MAGI2: variants seen among roughly 807,000 people sequenced by gnomAD.
The protein encoded by MAGI2 is membrane associated guanylate kinase, WW and PDZ domain containing 2.
A neutral mutation model predicts 133.3 loss-of-function variants in MAGI2; 35 were observed. The ratio of observed to expected loss-of-function variants is 0.26; its 90% CI spans 0.20 to 0.35. The LOEUF is 0.35. MAGI2 is among the 10% of genes least tolerant of loss of function. The pLI is 1.00. For synonymous variants in MAGI2, 729 were observed against 710.6 expected, an observed-to-expected ratio of 1.03 and a Z score of -0.41; for missense variants, 1,636 against 1,863.4, an observed-to-expected ratio of 0.88 and a Z score of 2.25.
At chr7:78,196,915 A>G (rs750300045) in intron 11 of MAGI2, among the ~76,000 whole-genome samples, 39 of 152,246 alleles carry the variant, frequency 2.6e-4, no homozygotes, top group Non-Finnish European at 4.7e-4. Flanking sequence ...AGAGAGGGTA[A>G]GTGGCTTGTC....
At chr7:78,237,031 A>C (rs2150893754) in intron 10 of MAGI2, among the ~76,000 whole-genome samples, 1 of 152,238 alleles carries the variant, frequency 6.6e-6, no homozygotes, top group East Asian at 1.9e-4. Context: ...GTTATCTCTC[A>C]CCAGGTCCCT....
intron 6 of MAGI2, among the ~76,000 whole-genome samples, chr7:78,450,752 T>C (rs1788640871): frequency 6.6e-6 from 1 of 152,064 alleles, no homozygotes; most frequent in African/African-American, 2.4e-5. Context: ...GACGAAATGA[T>C]TAGTGATGCA....
intron 2 of MAGI2, among the ~76,000 whole-genome samples, chr7:78,981,882 C>G (rs1053077816): frequency 2.0e-5 from 3 of 151,880 alleles, no homozygotes; most frequent in Non-Finnish European, 4.4e-5. Context: ...GAAATTTTTC[C>G]TGCCTAGAGC....
At chr7:78,239,367 T>G (rs1790888744) in intron 10 of MAGI2, among the ~76,000 whole-genome samples, 1 of 152,094 alleles carries the variant, frequency 6.6e-6, no homozygotes, top group Non-Finnish European at 1.5e-5. Context: ...TTTTTCAACA[T>G]GACCTCAAAA....
At chr7:78,660,705 T>C (rs1414206448) in intron 2 of MAGI2, among the ~76,000 whole-genome samples, 1 of 152,232 alleles carries the variant, frequency 6.6e-6, no homozygotes, top group African/African-American at 2.4e-5. Flanking sequence ...TTGAATATCT[T>C]TTTACTTAGA....
At chr7:78,698,833 CAGA>C (rs941253578) in intron 2 of MAGI2, among the ~76,000 whole-genome samples, 4 of 152,064 alleles carry the variant, frequency 2.6e-5, no homozygotes, top group Non-Finnish European at 5.9e-5. Flanking sequence ...AACTCACTAT[CAGA>C]AGAACAGCAT....
intron 1 of MAGI2, among the ~76,000 whole-genome samples, chr7:79,290,534 A>T (rs1246922206): frequency 6.6e-6 from 1 of 152,010 alleles, no homozygotes; most frequent in Non-Finnish European, 1.5e-5. Context: ...AAAAATAAAC[A>T]TTCCTCCATG....
At chr7:78,309,531 C>T (rs1003533408) in intron 9 of MAGI2, among the ~76,000 whole-genome samples, 1 of 152,048 alleles carries the variant, frequency 6.6e-6, no homozygotes, top group Non-Finnish European at 1.5e-5. Context: ...ATACTGGGGA[C>T]TACTGGAGGG....
chr7:79,026,882 G>GAA (rs34358830), intron 1 of MAGI2, among the ~76,000 whole-genome samples: 33 of 149,696 alleles, frequency 2.2e-4, no homozygotes, highest in East Asian at 9.9e-4. Flanking sequence ...AAAGAAAAAA[G>GAA]AAAAAAAAAT....
chr7:78,470,009 A>C (rs1240188309), intron 6 of MAGI2, among the ~76,000 whole-genome samples: 1 of 152,190 alleles, frequency 6.6e-6, no homozygotes, highest in Non-Finnish European at 1.5e-5. Flanking sequence ...AGACACATGC[A>C]GTCTTCCTCC....
At chr7:78,636,818 C>A (rs38124) in intron 2 of MAGI2, among the ~76,000 whole-genome samples, 136,570 of 152,118 alleles carry the variant, frequency 0.9, 61,388 homozygotes, top group East Asian at 1. Flanking sequence ...AAAACCAAAA[C>A]CAAACAAACA....
intron 2 of MAGI2, among the ~76,000 whole-genome samples, chr7:78,716,249 T>C (rs1819689867): frequency 6.6e-6 from 1 of 152,220 alleles, no homozygotes; most frequent in Non-Finnish European, 1.5e-5. Context: ...TAATTTTATT[T>C]AATTTTACCC....
chr7:78,867,746 G>A (rs529463939), intron 2 of MAGI2, among the ~76,000 whole-genome samples: 30 of 152,208 alleles, frequency 2.0e-4, no homozygotes, highest in African/African-American at 6.3e-4. Context: ...GGTGGTGATT[G>A]TCATGGTGGG....
intron 2 of MAGI2, among the ~76,000 whole-genome samples, chr7:78,825,532 T>G (rs1377603004): frequency 6.6e-6 from 1 of 152,214 alleles, no homozygotes; most frequent in African/African-American, 2.4e-5. Flanking sequence ...AGGCACTATT[T>G]AATGGGCACT....
At chr7:78,749,444 C>T (rs928237530) in intron 2 of MAGI2, among the ~76,000 whole-genome samples, 13 of 151,992 alleles carry the variant, frequency 8.6e-5, no homozygotes, top group Admixed American at 5.2e-4. Context: ...GTAATAAGCA[C>T]GTGGAGAAAA....
chr7:78,850,139 G>T (rs893013858), intron 2 of MAGI2, among the ~76,000 whole-genome samples: 1 of 152,042 alleles, frequency 6.6e-6, no homozygotes, highest in Admixed American at 6.6e-5. Flanking sequence ...AAATGTCACT[G>T]CAAATGAAGC....
intron 10 of MAGI2, among the ~76,000 whole-genome samples, chr7:78,233,620 T>C (rs1790207659): frequency 6.6e-6 from 1 of 152,032 alleles, no homozygotes; most frequent in South Asian, 2.1e-4. Flanking sequence ...GAAAAATCCA[T>C]GGCTGGAGGG....
intron 10 of MAGI2, among the ~76,000 whole-genome samples, chr7:78,246,432 T>C (rs1287469728): frequency 6.6e-6 from 1 of 152,096 alleles, no homozygotes. Context: ...GCTGAGCTGA[T>C]AGAAACCCTG....
intron 9 of MAGI2, among the ~76,000 whole-genome samples, chr7:78,328,673 G>T (rs1173078308): frequency 6.6e-6 from 1 of 151,972 alleles, no homozygotes; most frequent in African/African-American, 2.4e-5. Context: ...GCTTATCATT[G>T]TGCTTAAAAT....
Sources: allele counts gnomAD v4.1 joint callset (sites outside exome capture counted in the v4.1 genomes callset), GRCh38; gene constraint gnomAD v4.1.1; transcripts MANE v1.5; gene names NCBI Gene and HGNC (gene_info 2026-07-23, HGNC 2026-07-21).